CCDC6: variants seen among roughly 807,000 people sequenced by gnomAD.
CCDC6 encodes the protein coiled-coil domain-containing protein 6.
A neutral mutation model predicts 56.6 loss-of-function variants in CCDC6; 20 were observed. That is an observed-to-expected ratio of 0.35 (90% CI 0.25 to 0.51). The LOEUF is 0.51. CCDC6 is among the 20% of genes least tolerant of loss of function. The probability of loss-of-function intolerance (pLI) is 0.95; values close to 1 mark genes in which losing one functional copy is unlikely to be tolerated. For missense variants in CCDC6, 367 were observed against 601.1 expected, an observed-to-expected ratio of 0.61 and a Z score of 4.07; for synonymous variants, 241 against 234.4, an observed-to-expected ratio of 1.03 and a Z score of -0.26.
At chr10:59,899,653 G>C (rs955447550) in intron 1 of CCDC6, among the ~76,000 whole-genome samples, 1 of 152,312 alleles carries the variant, frequency 6.6e-6, no homozygotes, top group Middle Eastern at 3.4e-3. Context: ...CAACATTAAA[G>C]AGTCATAGGA....
intron 1 of CCDC6, among the ~76,000 whole-genome samples, chr10:59,893,274 GGTGGTGGTTACACCA>G (rs1056027721): frequency 1.3e-4 from 20 of 152,152 alleles, no homozygotes; most frequent in African/African-American, 4.6e-4. Flanking sequence ...TCCTAAGCAG[GGTGGTGGTTACACCA>G]GTGACTTCAT....
chr10:59,807,475 C>G (rs1415695547), intron 5 of CCDC6, among the ~76,000 whole-genome samples: 1 of 152,162 alleles, frequency 6.6e-6, no homozygotes, highest in Non-Finnish European at 1.5e-5. Context: ...CACAGCAAGA[C>G]TCTGTCTCAA....
chr10:59,879,246 A>G (rs1235804915), intron 1 of CCDC6, among the ~76,000 whole-genome samples: 1 of 152,232 alleles, frequency 6.6e-6, no homozygotes, highest in African/African-American at 2.4e-5. Flanking sequence ...AATGTTCTAA[A>G]TATACTTCCT....
chr10:59,870,722 T>C (rs1362476899), intron 1 of CCDC6, among the ~76,000 whole-genome samples: 2 of 152,136 alleles, frequency 1.3e-5, no homozygotes, highest in Non-Finnish European at 2.9e-5. Flanking sequence ...AAAGAAGCAG[T>C]TATCCATGCT....
chr10:59,831,155 G>A (rs114633153), intron 3 of CCDC6, among the ~76,000 whole-genome samples: 2,495 of 152,258 alleles, frequency 0.016, 77 homozygotes, highest in African/African-American at 0.056. Flanking sequence ...GGTAGGGCAC[G>A]GGGCATGGTG....
At chr10:59,844,945 A>C (rs2132651919) in intron 2 of CCDC6, among the ~76,000 whole-genome samples, 1 of 152,324 alleles carries the variant, frequency 6.6e-6, no homozygotes, top group African/African-American at 2.4e-5. Context: ...GAGTGGAGGA[A>C]ATAGGAAGGT....
chr10:59,807,046 C>T lies in CCDC6; in HGVS notation c.880G>A (p.Glu294Lys). The change falls in exon 6 of 9, where the codon GAA becomes AAA. Residue 294 changes from glutamate (E) to lysine (K), a missense_variant. Around this residue, in one of 7 missense-constraint regions of CCDC6, gnomAD observed 81 missense variants for 150.8 expected, o/e 0.54. Coordinates refer to ENST00000263102, the MANE Select transcript of CCDC6 (RefSeq NM_005436.5). Reference sequence around the variant, plus strand: ...AAGTTCTCTTCTCTCATGTGACGTTCCTCCTCCAGATACTGTGCCATTTTC... The same window carrying T: ...AAGTTCTCTTCTCTCATGTGACGTTTCTCCTCCAGATACTGTGCCATTTTC... ...SEKMAQYLEE[E>K]RHMREENLRL... The T allele has an allele frequency of 6.2e-7, 1 of 1,614,012 alleles. No individual in the cohort carries two copies. The highest frequency in any genetic ancestry group is 8.5e-7 in the Non-Finnish European group (1 of 1,179,928).
intron 1 of CCDC6, among the ~76,000 whole-genome samples, chr10:59,896,418 G>A (rs961627972): frequency 1.3e-5 from 2 of 152,122 alleles, no homozygotes; most frequent in Non-Finnish European, 2.9e-5. Context: ...TAGGGCTAGG[G>A]CACTGCACAT....
Position 59,828,634 on chromosome 10 carries a change from A to G in CCDC6, c.582+3891T>C, listed in dbSNP as rs560987779. Among the ~76,000 whole-genome samples the G allele has an allele frequency of 1.4e-4, 21 of 152,262 alleles. No individual in the cohort carries two copies. In the East Asian group the frequency reaches 4.1e-3, roughly 29 times the overall value. On this transcript the variant is annotated intron_variant, in intron 3 of 8. Coordinates refer to ENST00000263102, the MANE Select transcript of CCDC6 (RefSeq NM_005436.5). ...TTGCCACTCATTAGCTGTGTGACTT[A>G]AGAAACCCTCCCAATCTCTCTCCGG...
intron 1 of CCDC6, among the ~76,000 whole-genome samples, chr10:59,874,118 AACACACACACACAC>A (rs55812153): frequency 1.3e-5 from 2 of 148,578 alleles, no homozygotes; most frequent in Admixed American, 6.7e-5. Context: ...TTACCTAGCA[AACACACACACACAC>A]ACACACACAC....
chr10:59,885,008 G>A (rs1418855694), intron 1 of CCDC6, among the ~76,000 whole-genome samples: 2 of 151,834 alleles, frequency 1.3e-5, no homozygotes, highest in Non-Finnish European at 2.9e-5. Flanking sequence ...AGGTTGCAGT[G>A]AGTTGAGATC....
At chr10:59,797,485 G>T (rs1297907251) in intron 7 of CCDC6, among the ~76,000 whole-genome samples, 1 of 146,196 alleles carries the variant, frequency 6.8e-6, no homozygotes, top group African/African-American at 2.5e-5. Flanking sequence ...TCGAGCAAAG[G>T]AGTAAATATC....
intron 2 of CCDC6, among the ~76,000 whole-genome samples, chr10:59,840,619 G>A (rs1473299601): frequency 6.6e-6 from 1 of 152,144 alleles, no homozygotes; most frequent in Non-Finnish European, 1.5e-5. Context: ...TGCCTTGTCT[G>A]TTCTCTCCAT....
chr10:59,899,263 T>C (rs2071486492), intron 1 of CCDC6, among the ~76,000 whole-genome samples: 1 of 152,128 alleles, frequency 6.6e-6, no homozygotes, highest in Non-Finnish European at 1.5e-5. Context: ...ACTTTGACAA[T>C]TCAATATACC....
chr10:59,904,788 T>C (rs2071530288), intron 1 of CCDC6, among the ~76,000 whole-genome samples: 1 of 152,254 alleles, frequency 6.6e-6, no homozygotes, highest in Admixed American at 6.5e-5. Context: ...TGATCACACT[T>C]AACTTGCAAC....
At chr10:59,882,077 AGAAGGAAAGGAAAGCCG>A (rs2071343559) in intron 1 of CCDC6, among the ~76,000 whole-genome samples, 4 of 128,740 alleles carry the variant, frequency 3.1e-5, no homozygotes, top group African/African-American at 1.2e-4. Flanking sequence ...AGCCGCGGGG[AGAAGGAAAGGAAAGCCG>A]GGGGGAGAAG....
At chr10:59,839,979 C>T (rs1269210560) in intron 2 of CCDC6, among the ~76,000 whole-genome samples, 2 of 152,192 alleles carry the variant, frequency 1.3e-5, no homozygotes, top group Non-Finnish European at 2.9e-5. Context: ...GCATGTGCCA[C>T]CACACCCAGC....
intron 1 of CCDC6, among the ~76,000 whole-genome samples, chr10:59,888,066 C>T (rs1052956103): frequency 1.3e-5 from 2 of 152,216 alleles, no homozygotes; most frequent in African/African-American, 4.8e-5. Context: ...GCTGCTCAAG[C>T]TGCAGATTTC....
chr10:59,906,511 A>C lies in CCDC6; in HGVS notation c.-87T>G. ...GCTGCGAATGAGTGGGCGCCGGGCG[A>C]GCACAGGGGAGCGCCGAGCTGAGCG... On this transcript the variant is annotated 5_prime_UTR_variant, in exon 1 of 9. Coordinates refer to ENST00000263102, the MANE Select transcript of CCDC6 (RefSeq NM_005436.5). 1 of 1,182,334 alleles carries C rather than the reference A, an allele frequency of 8.5e-7. No homozygotes were observed. Among genetic ancestry groups the C allele is most frequent in the Non-Finnish European group, 1.1e-6 (1 of 889,066 alleles). 73.2% of individuals were successfully genotyped at this position (1,182,334 alleles called of 1,614,324 possible).
Sources: gnomAD v4.1 joint callset for allele counts (sites outside exome capture counted in the v4.1 genomes callset) on GRCh38, gnomAD v4.1.1 for gene constraint, gnomAD v4.1.1 regional missense constraint, MANE v1.5 for transcripts, NCBI Gene and HGNC (gene_info 2026-07-23, HGNC 2026-07-21) for gene names.